The following PTPRM variants were observed in gnomAD, a reference collection of about 807,000 sequenced individuals.
PTPRM encodes the protein protein tyrosine phosphatase receptor type M, also known as receptor-type tyrosine-protein phosphatase mu.
In PTPRM, 47 loss-of-function variants were observed where a neutral mutation model predicts 186.7. The ratio of observed to expected loss-of-function variants is 0.25; its 90% confidence interval spans 0.20 to 0.32. PTPRM has a LOEUF of 0.32. PTPRM is among the 10% of genes least tolerant of loss of function. The pLI, the probability that PTPRM is intolerant of heterozygous loss-of-function variation, is 1.00. For missense variants in PTPRM, 1,494 were observed against 1,865.0 expected, an observed-to-expected ratio of 0.80 and a Z score of 3.66; for synonymous variants, 668 against 674.9, an observed-to-expected ratio of 0.99 and a Z score of 0.16.
intron 1 of PTPRM, among the ~76,000 whole-genome samples, chr18:7,733,023 A>G (rs2040693758): frequency 6.6e-6 from 1 of 152,122 alleles, no homozygotes; most frequent in African/African-American, 2.4e-5. Flanking sequence ...GACCAGGAAA[A>G]ATTAGGCATG....
intron 11 of PTPRM, among the ~76,000 whole-genome samples, chr18:8,098,337 G>T (rs2091112589): frequency 6.6e-6 from 1 of 152,096 alleles, no homozygotes; most frequent in South Asian, 2.1e-4. Context: ...TTTAGTTTTT[G>T]AATATCATGC....
chr18:7,786,071 T>C (rs983274824), intron 2 of PTPRM, among the ~76,000 whole-genome samples: 5 of 152,226 alleles, frequency 3.3e-5, no homozygotes, highest in Non-Finnish European at 7.3e-5. Flanking sequence ...CACTAGATGA[T>C]TGTGCAGATC....
intron 3 of PTPRM, among the ~76,000 whole-genome samples, chr18:7,890,743 T>C (rs2049030555): frequency 6.6e-6 from 1 of 152,118 alleles, no homozygotes; most frequent in Non-Finnish European, 1.5e-5. Flanking sequence ...TTATTTATAG[T>C]AAAGAAAAAT....
chr18:7,679,591 G>C (rs2039431840), intron 1 of PTPRM, among the ~76,000 whole-genome samples: 1 of 152,138 alleles, frequency 6.6e-6, no homozygotes, highest in Admixed American at 6.5e-5. Flanking sequence ...CTTGAACCCG[G>C]GAGGCAGAGG....
intron 7 of PTPRM, among the ~76,000 whole-genome samples, chr18:7,969,597 T>G (rs1417614678): frequency 7.1e-5 from 10 of 141,632 alleles, no homozygotes; most frequent in African/African-American, 2.8e-4. Flanking sequence ...AAGAATCAAA[T>G]AGACACAATA....
At chr18:8,108,455 G>A (rs1039060729) in intron 11 of PTPRM, among the ~76,000 whole-genome samples, 1 of 152,058 alleles carries the variant, frequency 6.6e-6, no homozygotes, top group African/African-American at 2.4e-5. Flanking sequence ...ACGATAAATG[G>A]ATAACAAAAA....
intron 14 of PTPRM, among the ~76,000 whole-genome samples, chr18:8,240,641 GAGAGAGAGAGAGAAAGAAAGAA>G (rs772643121): frequency 0.32 from 22,583 of 69,814 alleles, 3,630 homozygotes; most frequent in African/African-American, 0.44. Context: ...GAGAGAGAGA[GAGAGAGAGAGAGAAAGAAAGAA>G]AGAAAGAAAG....
At chr18:7,932,172 T>G (rs972864397) in intron 5 of PTPRM, among the ~76,000 whole-genome samples, 7 of 152,222 alleles carry the variant, frequency 4.6e-5, no homozygotes, top group Non-Finnish European at 8.8e-5. Flanking sequence ...AGGAGCGATG[T>G]CTTTTCAACA....
intron 1 of PTPRM, among the ~76,000 whole-genome samples, chr18:7,640,831 A>C (rs1234728670): frequency 6.6e-6 from 1 of 152,134 alleles, no homozygotes; most frequent in Non-Finnish European, 1.5e-5. Context: ...AGTTGAGTAG[A>C]TTGTCTACTT....
At chr18:8,074,263 T>C (rs958867354) in intron 8 of PTPRM, among the ~76,000 whole-genome samples, 3 of 152,190 alleles carry the variant, frequency 2.0e-5, no homozygotes, top group Non-Finnish European at 4.4e-5. Context: ...TTCCAACCCC[T>C]TTTAAAAAAG....
intron 14 of PTPRM, among the ~76,000 whole-genome samples, chr18:8,147,544 G>A (rs1489018528): frequency 1.3e-5 from 2 of 152,120 alleles, no homozygotes; most frequent in Non-Finnish European, 2.9e-5. Flanking sequence ...AGGAGGTTAG[G>A]GGCTGAGACG....
At chr18:8,182,699 G>A (rs1013715732) in intron 14 of PTPRM, among the ~76,000 whole-genome samples, 7 of 152,236 alleles carry the variant, frequency 4.6e-5, no homozygotes, top group Non-Finnish European at 1.5e-5. Context: ...TACTGCAGCT[G>A]TAAAATCACT....
At chr18:8,326,968 A>G (rs556740397) in intron 22 of PTPRM, among the ~76,000 whole-genome samples, 1 of 152,324 alleles carries the variant, frequency 6.6e-6, no homozygotes, top group African/African-American at 2.4e-5. Context: ...CCTTGAAAAT[A>G]TACTCAGACA....
At chr18:7,806,984 C>T (rs1192868848) in intron 2 of PTPRM, among the ~76,000 whole-genome samples, 1 of 152,210 alleles carries the variant, frequency 6.6e-6, no homozygotes, top group Admixed American at 6.5e-5. Context: ...TTCCCACCTC[C>T]CTTTGGGGTA....
chr18:8,240,777 G>GGAGCGAGA (rs2094420075), intron 14 of PTPRM, among the ~76,000 whole-genome samples: 2 of 57,298 alleles, frequency 3.5e-5, no homozygotes, highest in African/African-American at 7.7e-5. Flanking sequence ...AGAGAGAGAG[G>GGAGCGAGA]GAGAGAGAGA....
intron 13 of PTPRM, among the ~76,000 whole-genome samples, chr18:8,123,659 C>A (rs2092251225): frequency 6.6e-6 from 1 of 152,150 alleles, no homozygotes; most frequent in African/African-American, 2.4e-5. Flanking sequence ...CTGAAGTGTT[C>A]TTCCCACAAG....
chr18:7,980,616 T>G (rs2082496297), intron 7 of PTPRM, among the ~76,000 whole-genome samples: 1 of 152,072 alleles, frequency 6.6e-6, no homozygotes, highest in Non-Finnish European at 1.5e-5. Context: ...ACTCCTGGGC[T>G]CAAACAGTCC....
intron 19 of PTPRM, among the ~76,000 whole-genome samples, chr18:8,267,724 A>G (rs960958150): frequency 6.6e-6 from 1 of 152,206 alleles, no homozygotes; most frequent in Admixed American, 6.5e-5. Context: ...ACCTGTTTTC[A>G]TGAAGGTTGC....
Position 8,289,557 on chromosome 18 carries a change from TATAC to T in PTPRM, c.2755-6809_2755-6806del, listed in dbSNP as rs1236204921. 4.0e-3 allele frequency among the ~76,000 whole-genome samples: 419 copies of T among 105,720 alleles called. 14 individuals are homozygous for T. Among genetic ancestry groups the T allele is most frequent in the African/African-American group, 0.016 (378 of 23,722 alleles). The allele number at this position is 105,720 out of a possible 152,430, so 69.4% of individuals were successfully genotyped here. On this transcript the variant is annotated intron_variant, in intron 19 of 32. Coordinates refer to ENST00000580170, the MANE Select transcript of PTPRM (RefSeq NM_001105244.2). ...ATACACATATATATATATACATATA[TATAC>T]ACATATATATATATACATATATATA...
Sources: gnomAD v4.1 joint callset for allele counts (sites outside exome capture counted in the v4.1 genomes callset) on GRCh38, gnomAD v4.1.1 for gene constraint, MANE v1.5 for transcripts, NCBI Gene and HGNC (gene_info 2026-07-23, HGNC 2026-07-21) for gene names.